Variants in SPSB1 observed in about 807,000 individuals in gnomAD.
SPSB1 encodes SPRY domain-containing SOCS box protein 1.
In SPSB1, 8 loss-of-function variants were observed where a neutral mutation model predicts 21.2. That is an observed-to-expected ratio of 0.38 (90% CI 0.22 to 0.68). SPSB1 has a LOEUF of 0.68. SPSB1 is among the 30% of genes least tolerant of loss of function. The pLI is 0.53. For missense variants in SPSB1, 242 were observed against 377.8 expected, an observed-to-expected ratio of 0.64 and a Z score of 2.98; for synonymous variants, 169 against 161.7, an observed-to-expected ratio of 1.05 and a Z score of -0.34.
chr1:9,330,297 G>A (rs1413252449), intron 1 of SPSB1, among the ~76,000 whole-genome samples: 1 of 152,012 alleles, frequency 6.6e-6, no homozygotes, highest in South Asian at 2.1e-4. Flanking sequence ...GTGAAACCCC[G>A]TCTCTACTAA....
At chr1:9,325,601 TCTGTGCCAGGCA>T (rs916728814) in intron 1 of SPSB1, among the ~76,000 whole-genome samples, 2 of 152,142 alleles carry the variant, frequency 1.3e-5, no homozygotes, top group Non-Finnish European at 2.9e-5. Flanking sequence ...GAGCACTTAC[TCTGTGCCAGGCA>T]CTGTGCCAGC....
intron 1 of SPSB1, among the ~76,000 whole-genome samples, chr1:9,306,611 C>G (rs1639415741): frequency 6.6e-6 from 1 of 152,128 alleles, no homozygotes; most frequent in Non-Finnish European, 1.5e-5. Flanking sequence ...TCCCTGCCAC[C>G]CAGGGGAAGA....
At chr1:9,350,710 C>A (rs182806653) in intron 1 of SPSB1, among the ~76,000 whole-genome samples, 1 of 152,376 alleles carries the variant, frequency 6.6e-6, no homozygotes, top group East Asian at 1.9e-4. Flanking sequence ...CCCTTTGCGT[C>A]TGCTCCTCCT....
chr1:9,305,573 G>A lies in SPSB1; in HGVS notation c.-150+12502G>A, dbSNP rs906970637. Among the ~76,000 whole-genome samples the A allele has an allele frequency of 1.3e-5, 2 of 152,196 alleles. No homozygotes were observed. The highest frequency in any genetic ancestry group is 2.9e-5 in the Non-Finnish European group (2 of 68,014). On this transcript the variant is annotated intron_variant, in intron 1 of 2. Coordinates refer to ENST00000328089, the MANE Select transcript of SPSB1 (RefSeq NM_025106.4). The surrounding 1 kb of genome is among the most constrained non-coding windows in gnomAD (Gnocchi z 4.8). ...CAGGGTCTGGGAGAGCTCGATGTGG[G>A]CCCAGGGTGTGGGTGCTGGGGGTGG...
intron 1 of SPSB1, among the ~76,000 whole-genome samples, chr1:9,302,272 C>T (rs1279882201): frequency 1.3e-5 from 2 of 152,190 alleles, no homozygotes; most frequent in African/African-American, 4.8e-5. Context: ...TTAAGGAATA[C>T]CCAGGTAGAT....
In SPSB1 at chr1:9,292,927, C is replaced by A. The variant is rs1182215097; in HGVS notation, c.-294C>A. The stretch of plus-strand genomic sequence containing the variant: ...GTCGCGCTCGGGCAGCCTGCGCGCT[C>A]GCAGCAGGAACCAGGCTCCAGGCGC... On this transcript the variant is annotated 5_prime_UTR_variant, in exon 1 of 3. Transcript: ENST00000328089. 16 of 967,138 alleles carry A rather than the reference C, an allele frequency of 1.7e-5. No homozygotes were observed. Among genetic ancestry groups the A allele is most frequent in the Non-Finnish European group, 1.9e-5 (16 of 824,312 alleles). 59.9% of individuals were successfully genotyped at this position (967,138 alleles called of 1,614,324 possible).
Position 9,367,079 on chromosome 1 carries a change from T to A in SPSB1, c.695-369T>A, listed in dbSNP as rs1640588033. On this transcript the variant is annotated intron_variant, in intron 2 of 2. Transcript: ENST00000328089. The surrounding 1 kb of genome is among the most constrained non-coding windows in gnomAD (Gnocchi z 5.9). ...AGAGCAGGGATCGCCTGGGTTCGAA[T>A]CCTAGCTGCATCTCCTGCCAGCAGG... Among the ~76,000 whole-genome samples, 1 of 152,188 alleles carries A rather than the reference T, an allele frequency of 6.6e-6. No individual in the cohort carries two copies. Among genetic ancestry groups the A allele is most frequent in the Non-Finnish European group, 1.5e-5 (1 of 68,034 alleles).
chr1:9,336,600 C>A (rs1640007219), intron 1 of SPSB1, among the ~76,000 whole-genome samples: 1 of 152,184 alleles, frequency 6.6e-6, no homozygotes, highest in African/African-American at 2.4e-5. Context: ...TGCCCGCGTG[C>A]GTTCAAGGAA....
At chr1:9,333,472 A>T (rs1299781391) in intron 1 of SPSB1, among the ~76,000 whole-genome samples, 1 of 151,984 alleles carries the variant, frequency 6.6e-6, no homozygotes, top group African/African-American at 2.4e-5. Context: ...GTGGGACTAC[A>T]GGCGCGTGCC....
At chr1:9,297,951 GC>G (rs540172577) in intron 1 of SPSB1, among the ~76,000 whole-genome samples, 139 of 152,338 alleles carry the variant, frequency 9.1e-4, no homozygotes, top group African/African-American at 3.2e-3. Flanking sequence ...CCGTGATCCA[GC>G]CCTTACAGTG....
At chr1:9,322,690 G>A (rs1164161608) in intron 1 of SPSB1, among the ~76,000 whole-genome samples, 3 of 152,216 alleles carry the variant, frequency 2.0e-5, no homozygotes, top group Non-Finnish European at 4.4e-5. Context: ...AGGTTCCACT[G>A]TGGCTGGAAT....
At chr1:9,323,429 C>A (rs967574365) in intron 1 of SPSB1, among the ~76,000 whole-genome samples, 3 of 152,178 alleles carry the variant, frequency 2.0e-5, no homozygotes, top group African/African-American at 7.2e-5. Flanking sequence ...TGGCAGAGAT[C>A]TCAGGGGATG....
At chr1:9,298,102 G>A (rs567374101) in intron 1 of SPSB1, among the ~76,000 whole-genome samples, 44 of 152,338 alleles carry the variant, frequency 2.9e-4, no homozygotes, top group Non-Finnish European at 4.6e-4. Flanking sequence ...CAAAGCTGCC[G>A]TCAGAATAGT....
At chr1:9,366,357 G>A (rs951260561) in intron 2 of SPSB1, among the ~76,000 whole-genome samples, 2 of 152,232 alleles carry the variant, frequency 1.3e-5, no homozygotes, top group African/African-American at 4.8e-5. Flanking sequence ...ACAGACACCC[G>A]GGGTTTCTCT....
intron 1 of SPSB1, among the ~76,000 whole-genome samples, chr1:9,334,239 C>T (rs1173696414): frequency 1.3e-5 from 2 of 151,858 alleles, no homozygotes; most frequent in Non-Finnish European, 2.9e-5. Context: ...GCGCCCACCA[C>T]GACACCTGGC....
rs145137377 is a variant in SPSB1 at position 9,358,226 on chromosome 1, G to A, written c.694+1641G>A. Among the ~76,000 whole-genome samples, 568 of 152,278 alleles carry A rather than the reference G, an allele frequency of 3.7e-3. 5 individuals carry two copies. Among genetic ancestry groups the A allele is most frequent in the African/African-American group, 0.013 (530 of 41,550 alleles). ...CACATTTCTCTTTGGAAGCCTCCCC[G>A]CCCCTCTTTCTCTTGGTCCTCTGCT... is the stretch of plus-strand genomic sequence containing the variant. On this transcript the variant is annotated intron_variant, in intron 2 of 2. Transcript: ENST00000328089.
chr1:9,292,943 C>T lies in SPSB1; in HGVS notation c.-278C>T, dbSNP rs1458847890. 38 of 869,436 alleles carry T rather than the reference C, an allele frequency of 4.4e-5. No homozygotes were observed. In the African/African-American group the frequency reaches 7.2e-4, roughly 16 times the overall value. 53.9% of individuals were successfully genotyped at this position (869,436 alleles called of 1,614,324 possible). ...CTGCGCGCTCGCAGCAGGAACCAGG[C>T]TCCAGGCGCCGGCGCCGGGGCCGGG... On this transcript the variant is annotated 5_prime_UTR_variant, in exon 1 of 3. Transcript: ENST00000328089.
At chr1:9,355,526 C>T (rs1213984408) in intron 1 of SPSB1, among the ~76,000 whole-genome samples, 1 of 152,232 alleles carries the variant, frequency 6.6e-6, no homozygotes, top group Non-Finnish European at 1.5e-5. Flanking sequence ...TCCACACAGT[C>T]GGCCGCGTGG....
Position 9,367,575 on chromosome 1 carries a change from A to G in SPSB1, c.822A>G (p.Ter274TrpextTer17). ...ASLKAYLLYQ[*>W] ...TCAAGGCCTACCTCCTCTACCAGTG[A>G]CGTTCGCCATCATACCGCCAGCGCG... is the stretch of plus-strand genomic sequence containing the variant. The change falls in exon 3 of 3, where the codon TGA (stop) becomes TGG (tryptophan). Residue 274 changes from the stop codon to tryptophan, a stop_lost. Transcript: ENST00000328089. This position sits in a 1 kb window ranked among gnomAD's most constrained non-coding sequence, Gnocchi z 5.9. The G allele has an allele frequency of 1.2e-6, 2 of 1,605,280 alleles. No individual in the cohort carries two copies. Among genetic ancestry groups the G allele is most frequent in the South Asian group, 1.1e-5 (1 of 90,694 alleles).
Sources: allele counts gnomAD v4.1 joint callset (sites outside exome capture counted in the v4.1 genomes callset), GRCh38; gene constraint gnomAD v4.1.1; non-coding constraint Gnocchi (gnomAD v3.1); transcripts MANE v1.5; gene names NCBI Gene and HGNC (gene_info 2026-07-23, HGNC 2026-07-21).